The following TWIST2 variants were observed in gnomAD, a reference collection of about 807,000 sequenced individuals.
TWIST2 encodes the protein twist family bHLH transcription factor 2, also known as twist-related protein 2.
A neutral mutation model predicts 11.6 loss-of-function variants in TWIST2; 1 was observed. The ratio of observed to expected loss-of-function variants is 0.09; its 90% CI spans 0.03 to 0.41. The LOEUF (loss-of-function observed/expected upper bound fraction) is 0.41, where lower values mean the gene tolerates loss of function less well. Among genes scored for constraint, TWIST2 ranks in the 10% least tolerant of loss-of-function variants. The pLI, the probability that TWIST2 is intolerant of heterozygous loss-of-function variation, is 0.98. For missense variants in TWIST2, 168 were observed against 226.4 expected, an observed-to-expected ratio of 0.74 and a Z score of 1.66; for synonymous variants, 87 against 96.6, an observed-to-expected ratio of 0.90 and a Z score of 0.58.
intron 1 of TWIST2, among the ~76,000 whole-genome samples, chr2:238,879,748 C>T (rs1692872754): frequency 6.6e-6 from 1 of 152,232 alleles, no homozygotes; most frequent in South Asian, 2.1e-4. Flanking sequence ...CCCACACAGG[C>T]AGTACCTGTG....
chr2:238,888,772 C>T (rs982841610), intron 1 of TWIST2, among the ~76,000 whole-genome samples: 2 of 152,198 alleles, frequency 1.3e-5, no homozygotes, highest in Non-Finnish European at 2.9e-5. Flanking sequence ...GATCTTAGCT[C>T]TGCCATATTT....
intron 1 of TWIST2, among the ~76,000 whole-genome samples, chr2:238,903,489 GGTGTGTGTGATGT>G (rs1186756583): frequency 2.8e-5 from 4 of 141,526 alleles, no homozygotes; most frequent in Admixed American, 7.0e-5. Flanking sequence ...CATGATGTGA[GGTGTGTGTGATGT>G]GTGTGTGTGA....
intron 1 of TWIST2, among the ~76,000 whole-genome samples, chr2:238,880,248 AGTATTTATTG>A (rs1692890493): frequency 6.6e-6 from 1 of 151,470 alleles, no homozygotes; most frequent in Non-Finnish European, 1.5e-5. Context: ...TATTAGTGTT[AGTATTTATTG>A]GTATTAGTGT....
intron 1 of TWIST2, among the ~76,000 whole-genome samples, chr2:238,885,510 A>T (rs1448403572): frequency 1.3e-5 from 2 of 152,164 alleles, no homozygotes; most frequent in East Asian, 1.9e-4. Context: ...CACACAGAAG[A>T]TGTCTGGTCC....
At chr2:238,897,812 C>T (rs1035430869) in intron 1 of TWIST2, among the ~76,000 whole-genome samples, 7 of 152,208 alleles carry the variant, frequency 4.6e-5, no homozygotes, top group Non-Finnish European at 8.8e-5. Context: ...GGAGCCTACC[C>T]GGAGCCGTCT....
At chr2:238,908,422 C>T (rs1693393201) in intron 1 of TWIST2, among the ~76,000 whole-genome samples, 1 of 151,322 alleles carries the variant, frequency 6.6e-6, no homozygotes, top group South Asian at 2.1e-4. Context: ...ACTGCACACA[C>T]CACACATACC....
At chr2:238,902,938 GTGTTGTGAT>G (rs1693292570) in intron 1 of TWIST2, among the ~76,000 whole-genome samples, 676 of 63,836 alleles carry the variant, frequency 0.011, 5 homozygotes, top group Middle Eastern at 0.04. Flanking sequence ...TGTGATGTGG[GTGTTGTGAT>G]GTGTGAGGTG....
At chr2:238,905,888 C>T (rs1382537751) in intron 1 of TWIST2, among the ~76,000 whole-genome samples, 66 of 141,350 alleles carry the variant, frequency 4.7e-4, no homozygotes, top group Non-Finnish European at 6.4e-4. Flanking sequence ...TGCATGTGCG[C>T]GCATGCGCGT....
Position 238,910,220 on chromosome 2 carries a change from A to T in TWIST2, c.*414A>T, listed in dbSNP as rs1693429548. 6.6e-6 allele frequency: 1 copy of T among 151,990 alleles called. No individual in the cohort carries two copies. The highest frequency in any genetic ancestry group is 6.6e-5 in the Admixed American group (1 of 15,256). The allele number at this position is 151,990 out of a possible 1,614,324, so 9.4% of individuals were successfully genotyped here. A position where few individuals can be genotyped will look rare whatever the true frequency, so the allele number is the denominator to read the frequency against. Reference sequence around the variant, plus strand: ...TGCCTTTTTTAATGTCTATTTTTTTAATAAAACAGAAATGCATTCTTGTAC... The same window carrying T: ...TGCCTTTTTTAATGTCTATTTTTTTTATAAAACAGAAATGCATTCTTGTAC... On this transcript the variant is annotated 3_prime_UTR_variant, in exon 2 of 2. Transcript: ENST00000612363.
chr2:238,893,475 G>A (rs1463858067), intron 1 of TWIST2, among the ~76,000 whole-genome samples: 2 of 152,096 alleles, frequency 1.3e-5, no homozygotes, highest in East Asian at 3.9e-4. Flanking sequence ...TCCAGGCCCC[G>A]CCCTCCCCAG....
At chr2:238,903,418 TG>T in intron 1 of TWIST2, among the ~76,000 whole-genome samples, 1 of 144,196 alleles carries the variant, frequency 6.9e-6, no homozygotes, top group East Asian at 2.2e-4. Flanking sequence ...GGTGTGTGTG[TG>T]ATGTGGGATG....
At chr2:238,903,443 G>A (rs1174796317) in intron 1 of TWIST2, among the ~76,000 whole-genome samples, 3 of 142,572 alleles carry the variant, frequency 2.1e-5, no homozygotes, top group Non-Finnish European at 4.6e-5. Flanking sequence ...GTGATGTGGG[G>A]TGTGGGTCTA....
At chr2:238,906,531 C>T (rs901568496) in intron 1 of TWIST2, among the ~76,000 whole-genome samples, 29 of 152,142 alleles carry the variant, frequency 1.9e-4, no homozygotes, top group Admixed American at 3.3e-4. Context: ...CACACTGGCA[C>T]ACACACGGGC....
chr2:238,865,378 C>T (rs147212837), intron 1 of TWIST2, among the ~76,000 whole-genome samples: 37,489 of 152,148 alleles, frequency 0.25, 5,868 homozygotes, highest in African/African-American at 0.44. Flanking sequence ...AGGGAGTACC[C>T]CGGAGAGTGA....
chr2:238,873,897 C>T (rs1574757382), intron 1 of TWIST2, among the ~76,000 whole-genome samples: 1 of 152,208 alleles, frequency 6.6e-6, no homozygotes, highest in African/African-American at 2.4e-5. Flanking sequence ...CAAATCCAGA[C>T]TGGAAATGGG....
intron 1 of TWIST2, among the ~76,000 whole-genome samples, chr2:238,852,225 TA>T (rs562403988): frequency 7.9e-5 from 12 of 152,080 alleles, no homozygotes; most frequent in Admixed American, 3.9e-4. Flanking sequence ...ATCTGGGCTT[TA>T]AAAAAAACAA....
At chr2:238,868,124 C>T (rs1692576593) in intron 1 of TWIST2, among the ~76,000 whole-genome samples, 1 of 152,214 alleles carries the variant, frequency 6.6e-6, no homozygotes, top group African/African-American at 2.4e-5. Context: ...AAGGTGGCAT[C>T]CCTCACACAT....
chr2:238,873,546 C>T (rs1246436996), intron 1 of TWIST2, among the ~76,000 whole-genome samples: 1 of 152,098 alleles, frequency 6.6e-6, no homozygotes, highest in Non-Finnish European at 1.5e-5. Flanking sequence ...GAGATGTGCA[C>T]GCATGAGCGC....
intron 1 of TWIST2, among the ~76,000 whole-genome samples, chr2:238,907,359 G>A (rs1006959556): frequency 0.49 from 74,570 of 152,074 alleles, 19,265 homozygotes; most frequent in African/African-American, 0.65. Flanking sequence ...CACAGAGGGA[G>A]GCGCGGGATT....
Sources: gnomAD v4.1 joint callset for allele counts (sites outside exome capture counted in the v4.1 genomes callset) on GRCh38, gnomAD v4.1.1 for gene constraint, MANE v1.5 for transcripts, NCBI Gene and HGNC (gene_info 2026-07-23, HGNC 2026-07-21) for gene names.